Variants in L3MBTL4 observed in about 807,000 individuals in gnomAD.
L3MBTL4 encodes the protein lethal(3)malignant brain tumor-like protein 4.
In L3MBTL4, 70 loss-of-function variants were observed where a neutral mutation model predicts 84.5. The ratio of observed to expected loss-of-function variants is 0.83; its 90% CI spans 0.68 to 1.01. The LOEUF (loss-of-function observed/expected upper bound fraction) is 1.01. Ranked by LOEUF, L3MBTL4 falls within the 50% of genes least tolerant of loss-of-function variation. The probability of loss-of-function intolerance (pLI) is 0.00; values close to 1 mark genes in which losing one functional copy is unlikely to be tolerated. For missense variants in L3MBTL4, 715 were observed against 754.8 expected (o/e 0.95, Z 0.62); for synonymous variants, 274 against 259.8 (o/e 1.05, Z -0.52).
intron 14 of L3MBTL4, among the ~76,000 whole-genome samples, chr18:6,125,489 C>T (rs936990066): frequency 2.0e-5 from 3 of 152,190 alleles, no homozygotes; most frequent in African/African-American, 7.2e-5. Flanking sequence ...AGTGTAGTGG[C>T]GTGATCTTGG....
intron 18 of L3MBTL4, among the ~76,000 whole-genome samples, chr18:5,958,255 C>T (rs903132897): frequency 3.3e-5 from 5 of 152,076 alleles, no homozygotes; most frequent in African/African-American, 9.7e-5. Context: ...CCAAGGGTAG[C>T]GTTTTGAAGT....
chr18:6,229,881 T>C (rs1444361585), intron 10 of L3MBTL4, among the ~76,000 whole-genome samples: 1 of 152,140 alleles, frequency 6.6e-6, no homozygotes, highest in Non-Finnish European at 1.5e-5. Context: ...TGCTGTAGCT[T>C]TTCGGTAAGT....
chr18:6,056,549 G>A (rs1469788065), intron 16 of L3MBTL4, among the ~76,000 whole-genome samples: 2 of 152,120 alleles, frequency 1.3e-5, no homozygotes, highest in Non-Finnish European at 2.9e-5. Flanking sequence ...CCTTTCTTAT[G>A]CACTCAGCTG....
At chr18:6,031,409 C>G in intron 16 of L3MBTL4, 1 of 985,438 alleles carries the variant, frequency 1.0e-6, no homozygotes, top group South Asian at 4.7e-5. Flanking sequence ...TTGTGGCCGT[C>G]TAACTTCTGA....
At chr18:6,043,646 C>T (rs1052184732) in intron 16 of L3MBTL4, among the ~76,000 whole-genome samples, 1 of 152,154 alleles carries the variant, frequency 6.6e-6, no homozygotes, top group African/African-American at 2.4e-5. Flanking sequence ...ATCGATTAAT[C>T]TATCTGCCCC....
intron 12 of L3MBTL4, among the ~76,000 whole-genome samples, chr18:6,184,971 C>T (rs796556165): frequency 8.5e-5 from 13 of 152,314 alleles, no homozygotes; most frequent in African/African-American, 3.1e-4. Context: ...ATAACTTGGG[C>T]AACCTAGTTA....
intron 14 of L3MBTL4, among the ~76,000 whole-genome samples, chr18:6,111,288 A>G (rs1389174475): frequency 1.3e-5 from 2 of 152,226 alleles, no homozygotes; most frequent in African/African-American, 4.8e-5. Flanking sequence ...TGAATTCATT[A>G]AAAACCATTG....
At chr18:6,221,851 A>G (rs1192865015) in intron 10 of L3MBTL4, among the ~76,000 whole-genome samples, 1 of 152,200 alleles carries the variant, frequency 6.6e-6, no homozygotes. Flanking sequence ...CGGGCCTCCA[A>G]TGATAGAGAT....
chr18:6,122,396 G>A (rs772336412), intron 14 of L3MBTL4, among the ~76,000 whole-genome samples: 52 of 152,294 alleles, frequency 3.4e-4, no homozygotes, highest in Admixed American at 8.5e-4. Context: ...CCCACATGTT[G>A]TGGGAGGGAC....
chr18:5,960,148 C>T lies in L3MBTL4; in HGVS notation c.1623G>A (p.Glu541=), dbSNP rs755430462. ...CACAGCCCAGAAGAGACTGTACAAACTCAGCCACCTACAGTGCGAGATGAA... is the reference window on the plus strand; with the variant it reads ...CACAGCCCAGAAGAGACTGTACAAATTCAGCCACCTACAGTGCGAGATGAA... ...VARWTVDEVA[E]FVQSLLGCEE... The change falls in exon 18 of 19, where the codon GAG becomes GAA. Residue 541 remains glutamate (E), a synonymous_variant. Transcript: ENST00000317931. 20 of 1,593,044 alleles carry T rather than the reference C, an allele frequency of 1.3e-5. No individual in the cohort carries two copies. The highest frequency in any genetic ancestry group is 1.2e-4 in the Admixed American group (7 of 59,088).
At chr18:6,226,195 T>C (rs922170250) in intron 10 of L3MBTL4, among the ~76,000 whole-genome samples, 1 of 152,144 alleles carries the variant, frequency 6.6e-6, no homozygotes, top group Non-Finnish European at 1.5e-5. Context: ...TTACTTGACG[T>C]CAGGAGTTTG....
intron 14 of L3MBTL4, among the ~76,000 whole-genome samples, chr18:6,116,457 G>A (rs888633076): frequency 3.3e-5 from 5 of 149,760 alleles, no homozygotes; most frequent in Non-Finnish European, 7.4e-5. Context: ...TCCGCCTCCC[G>A]GGTTCAAGCG....
intron 18 of L3MBTL4, among the ~76,000 whole-genome samples, chr18:5,956,762 T>C (rs887715862): frequency 6.6e-6 from 1 of 152,186 alleles, no homozygotes; most frequent in Non-Finnish European, 1.5e-5. Context: ...ATGTGCAATG[T>C]GTATATGCTA....
At chr18:6,049,476 C>A (rs1347156246) in intron 16 of L3MBTL4, among the ~76,000 whole-genome samples, 1 of 152,116 alleles carries the variant, frequency 6.6e-6, no homozygotes, top group African/African-American at 2.4e-5. Context: ...TACAAGTACC[C>A]ATCAACAGTG....
At chr18:6,190,892 C>G (rs1244863074) in intron 12 of L3MBTL4, among the ~76,000 whole-genome samples, 1 of 151,870 alleles carries the variant, frequency 6.6e-6, no homozygotes, top group East Asian at 1.9e-4. Flanking sequence ...AAGGGAACAG[C>G]CAGAGTAGAG....
At chr18:6,332,488 T>G (rs538946873) in intron 1 of L3MBTL4, among the ~76,000 whole-genome samples, 2 of 152,132 alleles carry the variant, frequency 1.3e-5, no homozygotes, top group East Asian at 1.9e-4. Context: ...TCAATAAAAT[T>G]TACCCTCCTG....
chr18:6,184,629 A>G (rs1010970321), intron 12 of L3MBTL4, among the ~76,000 whole-genome samples: 1 of 152,244 alleles, frequency 6.6e-6, no homozygotes, highest in African/African-American at 2.4e-5. Context: ...GAATACAAAA[A>G]CAGGCACATG....
intron 14 of L3MBTL4, among the ~76,000 whole-genome samples, chr18:6,099,585 A>AATATATAGATATATATATATATAT (rs2058744439): frequency 3.1e-5 from 2 of 64,700 alleles, no homozygotes; most frequent in Non-Finnish European, 4.1e-5. Context: ...AGATAATGTA[A>AATATATAGATATATATATATATAT]ATATATATAT....
intron 16 of L3MBTL4, chr18:6,025,373 G>T (rs987640884): frequency 5.3e-5 from 8 of 152,284 alleles, no homozygotes; most frequent in African/African-American, 1.7e-4. Context: ...AGACCTCACC[G>T]CATCGAATGA....
Sources: allele counts gnomAD v4.1 joint callset (sites outside exome capture counted in the v4.1 genomes callset), GRCh38; gene constraint gnomAD v4.1.1; transcripts MANE v1.5; gene names NCBI Gene and HGNC (gene_info 2026-07-23, HGNC 2026-07-21).